Variants in C8B observed in about 807,000 individuals in gnomAD.
The protein encoded by C8B is complement component C8 beta chain.
Under a neutral mutation model 64.6 loss-of-function variants are expected in C8B, and 67 were observed. The ratio of observed to expected loss-of-function variants is 1.04; its 90% CI spans 0.85 to 1.27. The LOEUF (loss-of-function observed/expected upper bound fraction) is 1.27. C8B is among the 50% of genes most tolerant of loss of function. C8B has a pLI of 0.00. For synonymous variants in C8B, 284 were observed against 257.7 expected, an observed-to-expected ratio of 1.10 and a Z score of -0.98; for missense variants, 790 against 725.2, an observed-to-expected ratio of 1.09 and a Z score of -1.03.
At chr1:56,930,122 T>C (rs1446938672) in intron 11 of C8B, among the ~76,000 whole-genome samples, 2 of 152,220 alleles carry the variant, frequency 1.3e-5, no homozygotes, top group African/African-American at 4.8e-5. Flanking sequence ...AATAAATGAA[T>C]GAATGTTTTC....
chr1:56,931,628 G>A (rs683824), intron 11 of C8B, 182 bp downstream of exon 11: 207,084 of 591,246 alleles, frequency 0.35, 38,425 homozygotes, highest in South Asian at 0.51. Flanking sequence ...ATAATGAAAT[G>A]CATAACAATC....
At chr1:56,941,494 GTAGATAGATAGATACATAGA>G (rs1288650577) in intron 8 of C8B, among the ~76,000 whole-genome samples, 13,338 of 145,914 alleles carry the variant, frequency 0.091, 659 homozygotes, top group African/African-American at 0.13. Flanking sequence ...GTAGATAATA[GTAGATAGATAGATACATAGA>G]TAGATAGATA....
Position 56,939,699 on chromosome 1 carries a change from T to G in C8B, c.1398+1150A>C, listed in dbSNP as rs1570378464. The stretch of plus-strand genomic sequence containing the variant: ...CATTGTAAAACTCCTCTAGTTTGGG[T>G]GACAAGTGGTTAGGATCATTATGTT... On this transcript the variant is annotated intron_variant, in intron 9 of 11. Transcript: ENST00000371237. Among the ~76,000 whole-genome samples, 6 of 152,300 alleles carry G rather than the reference T, an allele frequency of 3.9e-5. 2 individuals are homozygous for G. Among genetic ancestry groups the G allele is most frequent in the Admixed American group, 3.9e-4 (6 of 15,298 alleles).
At chr1:56,943,052 C>T (rs146843851) in intron 8 of C8B, among the ~76,000 whole-genome samples, 5 of 151,496 alleles carry the variant, frequency 3.3e-5, no homozygotes, top group African/African-American at 7.3e-5. Flanking sequence ...GCCGAGATCA[C>T]GCCAGAGTAA....
intron 1 of C8B, among the ~76,000 whole-genome samples, chr1:56,965,398 A>AGAGAGAGTGTGTGTGTGTGT (rs1553120321): frequency 2.8e-5 from 4 of 142,578 alleles, no homozygotes; most frequent in East Asian, 2.1e-4. Flanking sequence ...AGAGAGAGAG[A>AGAGAGAGTGTGTGTGTGTGT]GTGTGTGTGT....
chr1:56,956,443 T>C (rs1318408334), intron 3 of C8B, among the ~76,000 whole-genome samples: 1 of 152,180 alleles, frequency 6.6e-6, no homozygotes, highest in African/African-American at 2.4e-5. Context: ...GCACACATAC[T>C]TTTTGTGTCT....
intron 9 of C8B, among the ~76,000 whole-genome samples, chr1:56,938,169 T>C (rs567882504): frequency 1.3e-5 from 2 of 152,370 alleles, no homozygotes; most frequent in South Asian, 4.1e-4. Context: ...GGTCTCTGTT[T>C]TAAGCTTTCT....
chr1:56,934,164 C>CTTTTTTTT (rs60467453), intron 9 of C8B, among the ~76,000 whole-genome samples: 1 of 143,414 alleles, frequency 7.0e-6, no homozygotes. Context: ...GTGCAGGGTC[C>CTTTTTTTT]TTTTTTTTTT....
intron 10 of C8B, 83 bp downstream of exon 10, chr1:56,933,252 A>G (rs1015807960): frequency 4.3e-5 from 51 of 1,186,072 alleles, no homozygotes; most frequent in Admixed American, 1.0e-4. Context: ...CTTCTCAGTA[A>G]ACAGAAGCAG....
intron 4 of C8B, among the ~76,000 whole-genome samples, chr1:56,952,744 A>G (rs994748202): frequency 2.6e-5 from 4 of 152,170 alleles, no homozygotes; most frequent in African/African-American, 9.7e-5. Context: ...GGGCAAGCCA[A>G]TTAAACCTTG....
At chr1:56,935,094 A>G (rs557044897) in intron 9 of C8B, among the ~76,000 whole-genome samples, 1 of 152,336 alleles carries the variant, frequency 6.6e-6, no homozygotes, top group South Asian at 2.1e-4. Context: ...AATTTGATCA[A>G]GATCACGCAA....
At chr1:56,930,728 G>A (rs1245334001) in intron 11 of C8B, among the ~76,000 whole-genome samples, 3 of 152,112 alleles carry the variant, frequency 2.0e-5, no homozygotes, top group Non-Finnish European at 2.9e-5. Flanking sequence ...TATAAAATGG[G>A]AATATCAATA....
At chr1:56,942,014 T>C (rs1166340613) in intron 8 of C8B, among the ~76,000 whole-genome samples, 1 of 152,244 alleles carries the variant, frequency 6.6e-6, no homozygotes, top group Non-Finnish European at 1.5e-5. Context: ...TGCATCCGTG[T>C]AAAGAATAAA....
chr1:56,960,510 C>T (rs2101465425), intron 1 of C8B, among the ~76,000 whole-genome samples: 1 of 152,304 alleles, frequency 6.6e-6, no homozygotes, highest in Middle Eastern at 3.4e-3. Context: ...CTCTATGGGA[C>T]TTTATCCAGA....
chr1:56,958,886 C>T (rs1645138124), intron 2 of C8B, among the ~76,000 whole-genome samples: 1 of 152,210 alleles, frequency 6.6e-6, no homozygotes, highest in South Asian at 2.1e-4. Flanking sequence ...GAGTCTAAGC[C>T]CATGGCTGGT....
Position 56,929,377 on chromosome 1 carries a change from G to A in C8B, c.*27C>T, listed in dbSNP as rs760572723. The A allele has an allele frequency of 6.8e-6, 11 of 1,610,658 alleles. No homozygotes were observed. In the East Asian group the frequency reaches 2.2e-4, roughly 33 times the overall value. ...TTCTTGAGGGCTCAGGGCTCTCATT[G>A]TATGTAGCCCACTGCTGTATCATCT... On this transcript the variant is annotated 3_prime_UTR_variant, in exon 12 of 12. Coordinates refer to ENST00000371237, the MANE Select transcript of C8B (RefSeq NM_000066.4).
intron 9 of C8B, among the ~76,000 whole-genome samples, chr1:56,938,484 C>T (rs1644804477): frequency 6.6e-6 from 1 of 152,174 alleles, no homozygotes; most frequent in Non-Finnish European, 1.5e-5. Context: ...ATTCTAAAAT[C>T]TTCTTCTATT....
At chr1:56,960,640 G>C (rs1471283894) in intron 1 of C8B, among the ~76,000 whole-genome samples, 1 of 152,218 alleles carries the variant, frequency 6.6e-6, no homozygotes, top group East Asian at 1.9e-4. Flanking sequence ...CCACTGAGTG[G>C]TATAAGCCTG....
chr1:56,952,273 T>C, intron 4 of C8B, 93 bp from the exon 5 acceptor site: 2 of 1,557,380 alleles, frequency 1.3e-6, no homozygotes, highest in Non-Finnish European at 1.8e-6. Flanking sequence ...CAAAAACTCC[T>C]TGGCACAGCC....
Sources: gnomAD v4.1 joint callset for allele counts (sites outside exome capture counted in the v4.1 genomes callset) on GRCh38, gnomAD v4.1.1 for gene constraint, MANE v1.5 for transcripts, NCBI Gene and HGNC (gene_info 2026-07-23, HGNC 2026-07-21) for gene names.